The following YJU2 variants were observed in gnomAD, a reference collection of about 807,000 sequenced individuals.
The protein encoded by YJU2 is splicing factor YJU2.
Under a neutral mutation model 39.6 loss-of-function variants are expected in YJU2, and 28 were observed. The ratio of observed to expected loss-of-function variants is 0.71; its 90% CI spans 0.52 to 0.97. The LOEUF is 0.97. YJU2 is among the 50% of genes least tolerant of loss of function. The pLI is 0.00. For synonymous variants in YJU2, 184 were observed against 182.4 expected, an observed-to-expected ratio of 1.01 and a Z score of -0.07; for missense variants, 328 against 430.4, an observed-to-expected ratio of 0.76 and a Z score of 2.11.
rs779670116 is a variant in YJU2, at chr19:4,268,609, C to T, written c.885C>T (p.Ala295=). 19 of 1,613,212 alleles carry T rather than the reference C, an allele frequency of 1.2e-5. No homozygotes were observed. The highest frequency in any genetic ancestry group is 1.5e-5 in the Non-Finnish European group (18 of 1,179,662). Residue 295 remains alanine, a synonymous_variant, in exon 8 of 8, where the codon GCC becomes GCT. Coordinates refer to ENST00000262962, the MANE Select transcript of YJU2 (RefSeq NM_018074.6). The part of the protein sequence containing the change: ...TPGAPQNRKE[A]NPTPLTPGAS... ...GAGCCCCGCAGAACAGGAAGGAGGC[C>T]AACCCTACACCCCTGACGCCTGGCG...
rs537992798 is a variant in YJU2, at chr19:4,258,210, T to C, written c.406-32T>C. The C allele has an allele frequency of 1.4e-5, 22 of 1,548,136 alleles. No individual in the cohort carries two copies. The South Asian group carries it at 2.2e-4, about 15-fold the overall frequency. On this transcript the variant is annotated intron_variant, in intron 4 of 7. Coordinates refer to ENST00000262962, the MANE Select transcript of YJU2 (RefSeq NM_018074.6). Reference sequence around the variant, plus strand: ...GGTTTGCCCCGTGGTGCGATCCCCATGCACTCAGCCCCGCCGCCCCGCGCC... The same window carrying C: ...GGTTTGCCCCGTGGTGCGATCCCCACGCACTCAGCCCCGCCGCCCCGCGCC...
At position 4,250,661 on chromosome 19, in the gene YJU2, G is replaced by A. The variant is rs531089449; in HGVS notation, c.126-366G>A. ...CGTGCTGGGCTGGGGAGCAGAGCCCGGAGTAGGAGGGGAAGAGGGGGGTGG... is the reference window on the plus strand; with the variant it reads ...CGTGCTGGGCTGGGGAGCAGAGCCCAGAGTAGGAGGGGAAGAGGGGGGTGG... On this transcript the variant is annotated intron_variant, in intron 2 of 7. Coordinates refer to ENST00000262962, the MANE Select transcript of YJU2 (RefSeq NM_018074.6). Among the ~76,000 whole-genome samples the A allele has an allele frequency of 3.3e-3, 509 of 152,136 alleles. 7 individuals are homozygous for A. Among genetic ancestry groups the A allele is most frequent in the Non-Finnish European group, 1.3e-3 (88 of 67,980 alleles).
At chr19:4,248,379 G>A (rs1970948540) in intron 1 of YJU2, 1 of 152,216 alleles carries the variant, frequency 6.6e-6, no homozygotes, top group Non-Finnish European at 1.5e-5. Flanking sequence ...AGGAATGCGT[G>A]CAAAGACTCT....
intron 4 of YJU2, among the ~76,000 whole-genome samples, chr19:4,255,130 A>AG (rs1971009186): frequency 6.6e-6 from 1 of 151,768 alleles, no homozygotes; most frequent in Non-Finnish European, 1.5e-5. Context: ...AGGCTGAGGC[A>AG]GGAGAATTGC....
At chr19:4,264,515 T>G (rs1005070067) in intron 6 of YJU2, among the ~76,000 whole-genome samples, 2 of 149,208 alleles carry the variant, frequency 1.3e-5, no homozygotes, top group African/African-American at 4.9e-5. Context: ...TTAGACAGTT[T>G]CACTCTTGTT....
chr19:4,253,164 AGCC>A (rs1471178869), intron 3 of YJU2, among the ~76,000 whole-genome samples: 2 of 151,428 alleles, frequency 1.3e-5, no homozygotes, highest in Non-Finnish European at 2.9e-5. Context: ...GTTCAAGACT[AGCC>A]TGGGCAACAT....
intron 3 of YJU2, among the ~76,000 whole-genome samples, chr19:4,252,475 G>T (rs1568360920): frequency 6.6e-6 from 1 of 151,976 alleles, no homozygotes; most frequent in Non-Finnish European, 1.5e-5. Context: ...GTGGTGGCGG[G>T]TGCCTGTAGT....
intron 6 of YJU2, among the ~76,000 whole-genome samples, chr19:4,262,490 G>T (rs566450091): frequency 6.6e-6 from 1 of 152,180 alleles, no homozygotes; most frequent in South Asian, 2.1e-4. Context: ...GAGCCACCAT[G>T]CCCGACCAGA....
At chr19:4,247,580 C>CGTGTGTGTGTGTGTGT (rs202183584) in intron 1 of YJU2, among the ~76,000 whole-genome samples, 1 of 46,228 alleles carries the variant, frequency 2.2e-5, no homozygotes. Flanking sequence ...GGTGGGGTGG[C>CGTGTGTGTGTGTGTGT]GCGTGTGTGT....
Position 4,247,108 on chromosome 19 carries a change from C to G in YJU2, c.-39C>G. 1 of 1,606,458 alleles carries G rather than the reference C, an allele frequency of 6.2e-7. No individual in the cohort carries two copies. On this transcript the variant is annotated 5_prime_UTR_variant, in exon 1 of 8. Coordinates refer to ENST00000262962, the MANE Select transcript of YJU2 (RefSeq NM_018074.6). The stretch of plus-strand genomic sequence containing the variant: ...AAAGCTCGATAATTACCCAGCCTAA[C>G]CATTTCTCAGGTGCTTGCGAGGTGA...
At chr19:4,249,154 A>G (rs1970955029) in intron 1 of YJU2, 74 bp from the exon 2 acceptor site, 4 of 987,952 alleles carry the variant, frequency 4.0e-6, no homozygotes, top group Non-Finnish European at 4.6e-6. Context: ...AGCTCCCCAG[A>G]GCCCCTTCCC....
chr19:4,251,940 T>C (rs1473764881), intron 3 of YJU2, among the ~76,000 whole-genome samples: 1 of 151,920 alleles, frequency 6.6e-6, no homozygotes, highest in Middle Eastern at 3.2e-3. Context: ...TGAGCCAACA[T>C]TGCGCCATTG....
At chr19:4,257,737 G>A (rs1360772208) in intron 4 of YJU2, among the ~76,000 whole-genome samples, 2 of 151,852 alleles carry the variant, frequency 1.3e-5, no homozygotes, top group African/African-American at 4.8e-5. Flanking sequence ...GCCTCCCAAA[G>A]TGCTGGGATT....
At chr19:4,254,678 G>A (rs1971005120) in intron 4 of YJU2, among the ~76,000 whole-genome samples, 189 bp downstream of exon 4, 1 of 151,948 alleles carries the variant, frequency 6.6e-6, no homozygotes, top group Non-Finnish European at 1.5e-5. Flanking sequence ...TCAGCACTTT[G>A]GGAGGCTGAG....
rs746091450 is a variant in YJU2 at position 4,267,664 on chromosome 19, G to C, written c.749G>C (p.Ser250Thr). ...PKRKVEVWEQ[S>T]VGSLGSRPPL... ...AGGAAGGTGGAGGTCTGGGAGCAGA[G>C]CGTTGGCAGCCTGGGCAGCCGGCCC... The change falls in exon 7 of 8, where the codon AGC becomes ACC. Residue 250 changes from serine to threonine, a missense_variant. Around this residue, in one of 2 missense-constraint regions of YJU2, gnomAD observed 244 missense variants for 264.6 expected, o/e 0.92. Coordinates refer to ENST00000262962, the MANE Select transcript of YJU2 (RefSeq NM_018074.6). The C allele has an allele frequency of 6.8e-6, 11 of 1,613,464 alleles. No homozygotes were observed. Among genetic ancestry groups the C allele is most frequent in the Admixed American group, 1.7e-5 (1 of 60,002 alleles).
intron 1 of YJU2, among the ~76,000 whole-genome samples, chr19:4,248,838 G>C (rs1970952245): frequency 6.6e-6 from 1 of 152,128 alleles, no homozygotes; most frequent in African/African-American, 2.4e-5. Flanking sequence ...AGAATCGCTT[G>C]AACCCAGGAG....
At chr19:4,259,881 C>T (rs1049047850) in intron 5 of YJU2, among the ~76,000 whole-genome samples, 5 of 152,234 alleles carry the variant, frequency 3.3e-5, no homozygotes, top group African/African-American at 7.2e-5. Flanking sequence ...GCAGCGATAC[C>T]GTGCAGAACA....
chr19:4,257,484 A>AT (rs1393746981), intron 4 of YJU2, among the ~76,000 whole-genome samples: 2 of 150,032 alleles, frequency 1.3e-5, no homozygotes, highest in East Asian at 3.9e-4. Flanking sequence ...TTATTTATTT[A>AT]TTTTTTTGAG....
At chr19:4,253,198 T>TACAC (rs58339658) in intron 3 of YJU2, among the ~76,000 whole-genome samples, 17,901 of 138,988 alleles carry the variant, frequency 0.13, 1,260 homozygotes, top group East Asian at 0.2. Context: ...TGTCCGTGTC[T>TACAC]ACACACACAC....
Sources: allele counts gnomAD v4.1 joint callset (sites outside exome capture counted in the v4.1 genomes callset), GRCh38; gene constraint gnomAD v4.1.1; regional missense constraint gnomAD v4.1.1; transcripts MANE v1.5; gene names NCBI Gene and HGNC (gene_info 2026-07-23, HGNC 2026-07-21).